MTHFD1: variants seen among roughly 807,000 people sequenced by gnomAD.
MTHFD1 encodes the protein methylenetetrahydrofolate dehydrogenase, cyclohydrolase and formyltetrahydrofolate synthetase 1.
In MTHFD1, 44 loss-of-function variants were observed where a neutral mutation model predicts 110.3. That is an observed-to-expected ratio of 0.40 (90% CI 0.31 to 0.51). The LOEUF is 0.51. Ranked by LOEUF, MTHFD1 falls within the 20% of genes least tolerant of loss-of-function variation. The pLI is 0.60. For missense variants in MTHFD1, 909 were observed against 1,173.1 expected (o/e 0.77, Z 3.29); for synonymous variants, 402 against 428.8 (o/e 0.94, Z 0.77).
chr14:64,421,517 T>C (rs560606335), intron 8 of MTHFD1, among the ~76,000 whole-genome samples: 26 of 152,364 alleles, frequency 1.7e-4, no homozygotes, highest in African/African-American at 6.3e-4. Context: ...TTTCTTGTAG[T>C]GTAATTATCT....
Position 64,417,807 on chromosome 14 carries a change from T to G in MTHFD1, c.479-81T>G. 1 of 1,572,320 alleles carries G rather than the reference T, an allele frequency of 6.4e-7. No homozygotes were observed. The stretch of plus-strand genomic sequence containing the variant: ...ATGTTAAGAACCTGTTTTTGTGCAC[T>G]TATTCTAATTTCTCCACGTGGCATG... On this transcript the variant is annotated intron_variant, in intron 6 of 27. Coordinates refer to ENST00000652337, the MANE Select transcript of MTHFD1 (RefSeq NM_005956.4). The surrounding 1 kb of genome is among the most constrained non-coding windows in gnomAD (Gnocchi z 4.4).
intron 1 of MTHFD1, among the ~76,000 whole-genome samples, chr14:64,393,016 G>A (rs2077818904): frequency 6.6e-6 from 1 of 152,208 alleles, no homozygotes; most frequent in Admixed American, 6.5e-5. Flanking sequence ...CCATAGTGAA[G>A]GGCAGGTCTT....
At chr14:64,406,283 C>G (rs2077935209) in intron 2 of MTHFD1, among the ~76,000 whole-genome samples, 1 of 151,682 alleles carries the variant, frequency 6.6e-6, no homozygotes. Flanking sequence ...AGGTGATCCG[C>G]CTGCCTCGGC....
rs1330369845 is a variant in MTHFD1, at chr14:64,427,453, G to T, written c.1244G>T (p.Gly415Val). The T allele has an allele frequency of 5.0e-6, 8 of 1,614,130 alleles. No homozygotes were observed. Among genetic ancestry groups the T allele is most frequent in the Non-Finnish European group, 6.8e-6 (8 of 1,180,022 alleles). The change falls in exon 12 of 28, where the codon GGC becomes GTC. Residue 415 changes from glycine (G) to valine (V), a missense_variant. Gly to Val is a moderately radical substitution (Grantham distance 109). Around this residue, in one of 3 missense-constraint regions of MTHFD1, gnomAD observed 3 missense variants for 16.7 expected, o/e 0.18. Transcript: ENST00000652337. ...VFACVRQPSQ[G>V]PTFGIKGGAA... ...GCGTGTGTGCGACAGCCTTCTCAGG[G>T]CCCCACCTTTGGAATAAAAGGTACT...
intron 26 of MTHFD1, among the ~76,000 whole-genome samples, chr14:64,457,395 G>T (rs1236216280): frequency 6.6e-6 from 1 of 152,050 alleles, no homozygotes; most frequent in Admixed American, 6.6e-5. Context: ...CCACATGGAA[G>T]ATGATAGTGA....
Position 64,440,065 on chromosome 14 carries a change from G to A in MTHFD1, c.1675-61G>A, listed in dbSNP as rs1424296330. ...TCAGATGTAAAAGAGGATCACTTTT[G>A]CAATTCACACTTCTGGTTTAACACA... is the stretch of plus-strand genomic sequence containing the variant. On this transcript the variant is annotated intron_variant, in intron 17 of 27. Coordinates refer to ENST00000652337, the MANE Select transcript of MTHFD1 (RefSeq NM_005956.4). 3.3e-6 allele frequency: 5 copies of A among 1,522,906 alleles called. No homozygotes were observed. In the East Asian group the frequency reaches 9.1e-5, roughly 28 times the overall value. The allele number at this position is 1,522,906 out of a possible 1,614,324, so 94.3% of individuals were successfully genotyped here.
chr14:64,435,425 G>T, intron 15 of MTHFD1, 144 bp from the exon 16 acceptor site: 1 of 678,718 alleles, frequency 1.5e-6, no homozygotes. Flanking sequence ...ATAACCCCCA[G>T]CTTTCAGTTT....
chr14:64,397,594 G>A (rs1004532964), intron 1 of MTHFD1, among the ~76,000 whole-genome samples: 1 of 152,064 alleles, frequency 6.6e-6, no homozygotes, highest in Non-Finnish European at 1.5e-5. Flanking sequence ...TGCCCGGCCC[G>A]AAGCCCTGTA....
intron 1 of MTHFD1, among the ~76,000 whole-genome samples, chr14:64,393,992 G>C (rs2077827341): frequency 6.6e-6 from 1 of 152,008 alleles, no homozygotes; most frequent in African/African-American, 2.4e-5. Context: ...TTGCCCCAAG[G>C]ATTAAAAGAA....
At chr14:64,449,012 G>A (rs530131173) in intron 23 of MTHFD1, 39 of 299,932 alleles carry the variant, frequency 1.3e-4, no homozygotes, top group African/African-American at 7.2e-4. Flanking sequence ...TGTTAGCCAG[G>A]ATGGTCTCGA....
intron 19 of MTHFD1, 171 bp from the exon 20 acceptor site, chr14:64,441,883 C>A: frequency 4.4e-6 from 3 of 676,146 alleles, no homozygotes; most frequent in Non-Finnish European, 8.1e-6. Flanking sequence ...TCTTCTCATT[C>A]TTCCTCACAC....
chr14:64,441,467 C>T lies in MTHFD1; in HGVS notation c.1884+14C>T. 1 of 1,613,406 alleles carries T rather than the reference C, an allele frequency of 6.2e-7. No individual in the cohort carries two copies. Among genetic ancestry groups the T allele is most frequent in the Non-Finnish European group, 8.5e-7 (1 of 1,179,392 alleles). ...CAGACACTGGAGGTGAGCAGAGTGA[C>T]TCCTGCCTTCTTGAATTGGTTTTGG... On this transcript the variant is annotated intron_variant, in intron 19 of 27. Coordinates refer to ENST00000652337, the MANE Select transcript of MTHFD1 (RefSeq NM_005956.4).
chr14:64,430,227 A>G lies in MTHFD1; in HGVS notation c.1308A>G (p.Glu436=), dbSNP rs763552942. 18 of 1,613,340 alleles carry G rather than the reference A, an allele frequency of 1.1e-5. No individual in the cohort carries two copies. In the African/African-American group the frequency reaches 2.4e-4, roughly 22 times the overall value. ...GCTACTCCCAGGTCATTCCTATGGA[A>G]GAGGTAAAGTATTCTGGGATTTGGC... ...GGGYSQVIPM[E]EFNLHLTGDI... is the part of the protein sequence containing the mutation. Residue 436 remains glutamate (E), a synonymous_variant, in exon 13 of 28, where the codon GAA becomes GAG. Transcript: ENST00000652337.
At chr14:64,403,776 G>A (rs1010828590) in intron 2 of MTHFD1, among the ~76,000 whole-genome samples, 5 of 151,956 alleles carry the variant, frequency 3.3e-5, no homozygotes, top group Non-Finnish European at 7.4e-5. Flanking sequence ...CAACTCCTGG[G>A]CTCAAAGTGA....
intron 1 of MTHFD1, among the ~76,000 whole-genome samples, chr14:64,392,891 T>C (rs748030494): frequency 2.6e-5 from 4 of 152,226 alleles, no homozygotes; most frequent in Non-Finnish European, 5.9e-5. Context: ...TGGCTTATAA[T>C]CTTGAGACTT....
chr14:64,388,620 C>G, intron 1 of MTHFD1, 152 bp downstream of exon 1: 1 of 757,342 alleles, frequency 1.3e-6, no homozygotes, highest in Non-Finnish European at 2.3e-6. Context: ...AGAAAGAGAA[C>G]CCGGGCACAA....
intron 1 of MTHFD1, among the ~76,000 whole-genome samples, chr14:64,391,919 A>G (rs767077747): frequency 4.6e-5 from 7 of 152,240 alleles, no homozygotes; most frequent in Non-Finnish European, 1.0e-4. Flanking sequence ...TGAAACTTGC[A>G]TACTGATGGG....
At position 64,453,807 on chromosome 14, in the gene MTHFD1, T is replaced by C. The variant is rs2078418812; in HGVS notation, c.2511T>C (p.Asp837=). ...TTGCACAGAAGATCTATGGAGCAGATGACATTGAATTACTTCCCGAAGCTC... is the reference window on the plus strand; with the variant it reads ...TTGCACAGAAGATCTATGGAGCAGACGACATTGAATTACTTCCCGAAGCTC... ...RIIAQKIYGA[D]DIELLPEAQH... is the part of the protein sequence containing the mutation. Residue 837 remains aspartate (D), a synonymous_variant, in exon 25 of 28, where the codon GAT becomes GAC. Transcript: ENST00000652337. The C allele has an allele frequency of 5.0e-6, 8 of 1,613,362 alleles. No individual in the cohort carries two copies. Among genetic ancestry groups the C allele is most frequent in the Non-Finnish European group, 6.8e-6 (8 of 1,179,364 alleles).
intron 2 of MTHFD1, among the ~76,000 whole-genome samples, chr14:64,410,305 T>C (rs1419472692): frequency 6.6e-6 from 1 of 151,396 alleles, no homozygotes; most frequent in Non-Finnish European, 1.5e-5. Context: ...ACTGGTGCAA[T>C]CATGGAAAAA....
Sources: gnomAD v4.1 joint callset for allele counts (sites outside exome capture counted in the v4.1 genomes callset) on GRCh38, gnomAD v4.1.1 for gene constraint, gnomAD v4.1.1 regional missense constraint, Gnocchi (gnomAD v3.1) non-coding constraint, MANE v1.5 for transcripts, NCBI Gene and HGNC (gene_info 2026-07-23, HGNC 2026-07-21) for gene names.